Variants in OR10J1 observed in about 807,000 individuals in gnomAD.
OR10J1 encodes olfactory receptor 10J1.
For synonymous variants in OR10J1, 202 were observed against 143.8 expected (o/e 1.40, Z -2.89); for missense variants, 474 against 376.6 (o/e 1.26, Z -2.14).
the OR10J1 span, among the ~76,000 whole-genome samples, chr1:159,414,176 A>G: frequency 6.6e-5 from 10 of 152,178 alleles, 1 homozygote; most frequent in South Asian, 1.5e-3. Flanking sequence ...CCTGCTGTGG[A>G]CCATGAGAAT....
At chr1:159,419,532 C>T in the OR10J1 span, among the ~76,000 whole-genome samples, 2 of 152,160 alleles carry the variant, frequency 1.3e-5, no homozygotes, top group African/African-American at 4.8e-5. Context: ...GTCTATTAAA[C>T]CTCTTTTTCT....
At chr1:159,414,521 T>C in the OR10J1 span, among the ~76,000 whole-genome samples, 16,719 of 152,220 alleles carry the variant, frequency 0.11, 1,156 homozygotes, top group Admixed American at 0.15. Context: ...TTCCATATCT[T>C]AGCTATTTTG....
chr1:159,425,514 T>C, the OR10J1 span, among the ~76,000 whole-genome samples: 1 of 152,126 alleles, frequency 6.6e-6, no homozygotes, highest in African/African-American at 2.4e-5. Context: ...AAAGGCTTTA[T>C]AGTTCTGATG....
upstream of OR10J1, among the ~76,000 whole-genome samples, chr1:159,433,302 A>G (rs1047604897): frequency 3.3e-5 from 5 of 152,164 alleles, no homozygotes; most frequent in Admixed American, 6.5e-5. Context: ...AAAAATATTA[A>G]TGAAAAAAAG....
At chr1:159,406,063 G>A in the OR10J1 span, 3 of 426,200 alleles carry the variant, frequency 7.0e-6, no homozygotes, top group South Asian at 6.1e-5. Flanking sequence ...ACATAGAAGA[G>A]CTGAGTGACA....
the OR10J1 span, chr1:159,432,838 G>T: frequency 2.5e-6 from 1 of 407,818 alleles, no homozygotes. Flanking sequence ...TTCTGCCCAT[G>T]GTATTGATCT....
the OR10J1 span, chr1:159,406,192 G>C: frequency 1.9e-6 from 1 of 517,012 alleles, no homozygotes. Flanking sequence ...GAAGTACATG[G>C]GGGTGTGGAG....
chr1:159,402,305 G>A, the OR10J1 span, among the ~76,000 whole-genome samples: 2 of 152,124 alleles, frequency 1.3e-5, no homozygotes, highest in Admixed American at 6.6e-5. Context: ...AATTGGAAAG[G>A]AAAAAGCCAA....
chr1:159,429,899 C>T, the OR10J1 span, among the ~76,000 whole-genome samples: 8 of 152,226 alleles, frequency 5.3e-5, no homozygotes, highest in East Asian at 3.9e-4. Context: ...TCTCTGTGTG[C>T]TGTGTCTGCC....
chr1:159,436,568 A>G (rs1453492888), upstream of OR10J1, among the ~76,000 whole-genome samples: 1 of 152,084 alleles, frequency 6.6e-6, no homozygotes, highest in Non-Finnish European at 1.5e-5. Context: ...TCACAGGTCA[A>G]TGTACCAAAT....
Position 159,440,904 on chromosome 1 carries a change from C to A in OR10J1, c.*183C>A. 1 of 589,730 alleles carries A rather than the reference C, an allele frequency of 1.7e-6. No individual in the cohort carries two copies. The allele number at this position is 589,730 out of a possible 1,614,324, so 36.5% of individuals were successfully genotyped here. ...TAAAGTTACTGGATGGAGTGTTATC[C>A]CTATTTTTGGGGATAAATAGACAAA... On this transcript the variant is annotated 3_prime_UTR_variant, in exon 1 of 1. Transcript: ENST00000423932.
chr1:159,398,993 CA>C, the OR10J1 span, among the ~76,000 whole-genome samples: 2 of 151,854 alleles, frequency 1.3e-5, no homozygotes, highest in Non-Finnish European at 2.9e-5. Flanking sequence ...ATTTAATAAT[CA>C]AACTTCCAAA....
the OR10J1 span, among the ~76,000 whole-genome samples, chr1:159,418,598 G>A: frequency 1.3e-5 from 2 of 152,192 alleles, no homozygotes; most frequent in African/African-American, 2.4e-5. Flanking sequence ...CAGGGGTGGG[G>A]CCTTCACAGA....
chr1:159,406,717 G>T, the OR10J1 span, among the ~76,000 whole-genome samples: 3 of 152,152 alleles, frequency 2.0e-5, no homozygotes, highest in Non-Finnish European at 2.9e-5. Context: ...AGGCACTTCA[G>T]CTTCCTCTAT....
the OR10J1 span, chr1:159,406,235 T>C: frequency 1.1e-5 from 6 of 529,244 alleles, no homozygotes; most frequent in Non-Finnish European, 2.3e-5. Flanking sequence ...GTCACAATAA[T>C]CACATTGCCA....
In OR10J1 at chr1:159,440,003, C is replaced by A. The variant is rs529919965; in HGVS notation, c.212C>A (p.Thr71Asn). Residue 71 changes from threonine to asparagine, a missense_variant, in exon 1 of 1, where the codon ACT becomes AAT. Thr to Asn is a moderately conservative substitution (Grantham distance 65, BLOSUM62 0). Transcript: ENST00000423932. ...CTGAGCATGCTGTCCACTTCAGAGACTGTATATACATTGGTCATTCTCCCA... is the reference window on the plus strand; with the variant it reads ...CTGAGCATGCTGTCCACTTCAGAGAATGTATATACATTGGTCATTCTCCCA... ...FFLSMLSTSE[T>N]VYTLVILPRM... 4.3e-6 allele frequency: 7 copies of A among 1,614,186 alleles called. No homozygotes were observed. The East Asian group carries it at 1.1e-4, about 26-fold the overall frequency.
chr1:159,433,100 G>T, upstream of OR10J1: 1 of 440,264 alleles, frequency 2.3e-6, no homozygotes, highest in Admixed American at 3.5e-5. Context: ...GGTCAAGGAT[G>T]CCTTGCTCAG....
chr1:159,426,602 T>A, the OR10J1 span, among the ~76,000 whole-genome samples: 1 of 151,964 alleles, frequency 6.6e-6, no homozygotes, highest in East Asian at 1.9e-4. Flanking sequence ...ATTTTTTTTT[T>A]GAAACTAACA....
In OR10J1 at chr1:159,440,007, A is replaced by G. The variant is rs145304434; in HGVS notation, c.216A>G (p.Val72=). The G allele has an allele frequency of 1.9e-6, 3 of 1,614,170 alleles. No individual in the cohort carries two copies. The highest frequency in any genetic ancestry group is 4.5e-5 in the East Asian group (2 of 44,880). ...GCATGCTGTCCACTTCAGAGACTGTATATACATTGGTCATTCTCCCAAGAA... is the reference window on the plus strand; with the variant it reads ...GCATGCTGTCCACTTCAGAGACTGTGTATACATTGGTCATTCTCCCAAGAA... ...FLSMLSTSET[V]YTLVILPRML... Residue 72 remains valine, a synonymous_variant, in exon 1 of 1, where the codon GTA becomes GTG. Transcript: ENST00000423932.
Sources: gnomAD v4.1 joint callset for allele counts (sites outside exome capture counted in the v4.1 genomes callset) on GRCh38, gnomAD v4.1.1 for gene constraint, MANE v1.5 for transcripts, NCBI Gene and HGNC (gene_info 2026-07-23, HGNC 2026-07-21) for gene names.